The following KLHL25 variants were observed in gnomAD, a reference collection of about 807,000 sequenced individuals.
KLHL25 encodes the protein kelch like family member 25, also known as kelch-like protein 25.
In KLHL25, 41 loss-of-function variants were observed where a neutral mutation model predicts 30.0. The ratio of observed to expected loss-of-function variants is 1.37; its 90% CI spans 1.07 to 1.78. The LOEUF is 1.78. Ranked by LOEUF, KLHL25 falls within the 40% of genes most tolerant of loss-of-function variation. The pLI, the probability that KLHL25 is intolerant of heterozygous loss-of-function variation, is 0.00. For missense variants in KLHL25, 971 were observed against 824.5 expected (o/e 1.18, Z -2.18); for synonymous variants, 399 against 355.3 (o/e 1.12, Z -1.38).
intron 1 of KLHL25, among the ~76,000 whole-genome samples, chr15:85,772,957 G>A (rs1013489971): frequency 5.3e-4 from 81 of 152,246 alleles, no homozygotes; most frequent in African/African-American, 1.6e-3. Context: ...TTGTTTCCCC[G>A]GTTTGTCCCA....
At chr15:85,771,759 T>C (rs1439192743) in intron 1 of KLHL25, among the ~76,000 whole-genome samples, 1 of 152,238 alleles carries the variant, frequency 6.6e-6, no homozygotes, top group Non-Finnish European at 1.5e-5. Flanking sequence ...TGGACGCAGA[T>C]CCAGGCTGTA....
intron 1 of KLHL25, among the ~76,000 whole-genome samples, chr15:85,785,314 C>T (rs1204354629): frequency 1.3e-5 from 2 of 152,024 alleles, no homozygotes; most frequent in Non-Finnish European, 2.9e-5. Context: ...AGGATGGTCT[C>T]GATCTCCTGA....
chr15:85,779,864 T>A (rs568211845), intron 1 of KLHL25, among the ~76,000 whole-genome samples: 1 of 152,322 alleles, frequency 6.6e-6, no homozygotes, highest in South Asian at 2.1e-4. Context: ...CACCCATAAT[T>A]TTCTGAATTT....
At chr15:85,763,211 A>T (rs2089595840) in intron 2 of KLHL25, 1 of 152,384 alleles carries the variant, frequency 6.6e-6, no homozygotes, top group South Asian at 2.1e-4. Flanking sequence ...TGTGGATCCA[A>T]CCGCAACACT....
At chr15:85,783,478 G>C (rs2089758602) in intron 1 of KLHL25, among the ~76,000 whole-genome samples, 1 of 151,918 alleles carries the variant, frequency 6.6e-6, no homozygotes, top group African/African-American at 2.4e-5. Flanking sequence ...GATCACCTGA[G>C]GTCAGGAATT....
chr15:85,787,589 A>G (rs558082596), intron 1 of KLHL25, among the ~76,000 whole-genome samples: 1 of 152,362 alleles, frequency 6.6e-6, no homozygotes, highest in African/African-American at 2.4e-5. Flanking sequence ...AGAAAGATGC[A>G]TGATGAAGGA....
At chr15:85,771,252 C>T (rs1189449146) in intron 1 of KLHL25, 2 of 151,816 alleles carry the variant, frequency 1.3e-5, no homozygotes, top group Admixed American at 6.6e-5. Context: ...AAGCAAACTG[C>T]ATTCCAGTAT....
At chr15:85,784,805 T>G (rs1163006281) in intron 1 of KLHL25, among the ~76,000 whole-genome samples, 2 of 152,202 alleles carry the variant, frequency 1.3e-5, no homozygotes, top group Admixed American at 1.3e-4. Context: ...ACCTTGATTT[T>G]GGACTTGTGA....
At chr15:85,772,640 T>C (rs932385994) in intron 1 of KLHL25, among the ~76,000 whole-genome samples, 2 of 152,010 alleles carry the variant, frequency 1.3e-5, no homozygotes, top group African/African-American at 2.4e-5. Flanking sequence ...AGACTCCCTT[T>C]GGAGGGGGTT....
At chr15:85,782,588 A>C (rs2089750836) in intron 1 of KLHL25, among the ~76,000 whole-genome samples, 1 of 149,348 alleles carries the variant, frequency 6.7e-6, no homozygotes, top group South Asian at 2.1e-4. Context: ...TTTCATAGCT[A>C]CACCCCACTC....
At chr15:85,774,039 C>T (rs1160501530) in intron 1 of KLHL25, among the ~76,000 whole-genome samples, 1 of 152,144 alleles carries the variant, frequency 6.6e-6, no homozygotes, top group African/African-American at 2.4e-5. Context: ...GTACCAGTGA[C>T]ATACCCAGCC....
At chr15:85,765,884 G>C (rs1011840257) in intron 2 of KLHL25, among the ~76,000 whole-genome samples, 6 of 151,880 alleles carry the variant, frequency 4.0e-5, no homozygotes, top group African/African-American at 1.5e-4. Context: ...GAAAACTGGT[G>C]TTCCTATTCA....
At chr15:85,784,962 A>G (rs2089770930) in intron 1 of KLHL25, among the ~76,000 whole-genome samples, 1 of 152,246 alleles carries the variant, frequency 6.6e-6, no homozygotes. Flanking sequence ...CCTGGCCTCT[A>G]GTCATAATGT....
At chr15:85,788,462 G>C (rs1215812576) in intron 1 of KLHL25, among the ~76,000 whole-genome samples, 5 of 152,136 alleles carry the variant, frequency 3.3e-5, no homozygotes, top group African/African-American at 1.2e-4. Flanking sequence ...GGAGAGGGTC[G>C]GGGAGGACCT....
chr15:85,792,421 C>A (rs539427192), intron 1 of KLHL25, among the ~76,000 whole-genome samples: 1 of 152,334 alleles, frequency 6.6e-6, no homozygotes, highest in East Asian at 1.9e-4. Context: ...ACTCTGTTTT[C>A]TTGTGCCAGC....
At chr15:85,780,326 G>A (rs1160605071) in intron 1 of KLHL25, among the ~76,000 whole-genome samples, 3 of 152,218 alleles carry the variant, frequency 2.0e-5, no homozygotes, top group South Asian at 4.1e-4. Context: ...CTTATCCAGA[G>A]CAAGCCAGAG....
intron 1 of KLHL25, among the ~76,000 whole-genome samples, chr15:85,787,176 G>C (rs1330557176): frequency 2.0e-5 from 3 of 149,808 alleles, no homozygotes; most frequent in Non-Finnish European, 1.5e-5. Context: ...GCTGGGCGCA[G>C]TGGCTCACGC....
At chr15:85,790,544 GTAT>G (rs1395192396) in intron 1 of KLHL25, among the ~76,000 whole-genome samples, 1 of 152,180 alleles carries the variant, frequency 6.6e-6, no homozygotes, top group Non-Finnish European at 1.5e-5. Flanking sequence ...TTTAATAGAA[GTAT>G]TATACAGGAG....
chr15:85,790,319 C>T (rs1478983284), intron 1 of KLHL25, among the ~76,000 whole-genome samples: 1 of 152,138 alleles, frequency 6.6e-6, no homozygotes, highest in Non-Finnish European at 1.5e-5. Flanking sequence ...AACTCCCGAC[C>T]TCAGGTGATC....
Sources: allele counts gnomAD v4.1 joint callset (sites outside exome capture counted in the v4.1 genomes callset), GRCh38; gene constraint gnomAD v4.1.1; transcripts MANE v1.5; gene names NCBI Gene and HGNC (gene_info 2026-07-23, HGNC 2026-07-21).